The following TLE1 variants were observed in gnomAD, a reference collection of about 807,000 sequenced individuals.
The protein encoded by TLE1 is TLE family member 1, transcriptional corepressor.
Under a neutral mutation model 89.8 loss-of-function variants are expected in TLE1, and 21 were observed. The ratio of observed to expected loss-of-function variants is 0.23; its 90% CI spans 0.17 to 0.34. The LOEUF (loss-of-function observed/expected upper bound fraction) is 0.34. Ranked by LOEUF, TLE1 falls within the 10% of genes least tolerant of loss-of-function variation. TLE1 has a pLI of 1.00. For missense variants in TLE1, 795 were observed against 1,031.2 expected, an observed-to-expected ratio of 0.77 and a Z score of 3.14; for synonymous variants, 447 against 407.6, an observed-to-expected ratio of 1.10 and a Z score of -1.16.
chr9:81,587,696 G>T lies in TLE1; in HGVS notation c.1962C>A (p.His654Gln). The T allele has an allele frequency of 6.2e-7, 1 of 1,612,852 alleles. No individual in the cohort carries two copies. Among genetic ancestry groups the T allele is most frequent in the Middle Eastern group, 1.7e-4 (1 of 6,050 alleles). ...ACTCAGTCACCTGGGAGGTGAAGTC[G>T]TGCTGCTGCAGCTGCCGCCCCTCGC... is the stretch of plus-strand genomic sequence containing the variant. ...DLREGRQLQQ[H>Q]DFTSQIFSLG... The change falls in exon 17 of 20, where the codon CAC becomes CAA. Residue 654 changes from histidine to glutamine, a missense_variant. Around this residue, in one of 4 missense-constraint regions of TLE1, gnomAD observed 214 missense variants for 354.9 expected, o/e 0.60. Coordinates refer to ENST00000376499, the MANE Select transcript of TLE1 (RefSeq NM_005077.5).
In TLE1 at chr9:81,629,734, T is replaced by A. The variant is rs917100554; in HGVS notation, c.594+3614A>T. 1.1e-4 allele frequency among the ~76,000 whole-genome samples: 16 copies of A among 152,294 alleles called. No homozygotes were observed. The South Asian group carries it at 1.9e-3, about 18-fold the overall frequency. On this transcript the variant is annotated intron_variant, in intron 8 of 19. Coordinates refer to ENST00000376499, the MANE Select transcript of TLE1 (RefSeq NM_005077.5). ...CCTGTACATGTTACTGTCCTGAATA[T>A]TACAGGCAGCTACAACACAATGTAA...
At chr9:81,612,276 G>A (rs1385901846) in intron 12 of TLE1, 1 of 1,102,498 alleles carries the variant, frequency 9.1e-7, no homozygotes, top group Non-Finnish European at 1.1e-6. Context: ...CCAAGGCACA[G>A]GCACCAAGTG....
intron 6 of TLE1, among the ~76,000 whole-genome samples, chr9:81,642,110 T>C (rs1400752323): frequency 6.6e-6 from 1 of 152,036 alleles, no homozygotes; most frequent in African/African-American, 2.4e-5. Flanking sequence ...TTAGTGATGG[T>C]GTGGAGAAAA....
chr9:81,655,979 T>C (rs556715833), intron 4 of TLE1, among the ~76,000 whole-genome samples: 124 of 152,296 alleles, frequency 8.1e-4, no homozygotes, highest in African/African-American at 2.7e-3. Context: ...TTTGGTTTTA[T>C]AAGATTGGAT....
chr9:81,644,163 G>A (rs372862720), intron 6 of TLE1, among the ~76,000 whole-genome samples: 44 of 152,264 alleles, frequency 2.9e-4, no homozygotes, highest in East Asian at 2.1e-3. Context: ...TGATGCAGCC[G>A]CTTTGGAAAA....
intron 6 of TLE1, 98 bp from the exon 7 acceptor site, chr9:81,634,399 G>A: frequency 1.0e-6 from 1 of 992,252 alleles, no homozygotes; most frequent in South Asian, 2.3e-5. Flanking sequence ...AAACAGACAT[G>A]ACAGGAGGGG....
intron 8 of TLE1, among the ~76,000 whole-genome samples, chr9:81,621,244 C>T (rs1401400700): frequency 1.3e-5 from 2 of 152,194 alleles, no homozygotes; most frequent in African/African-American, 4.8e-5. Flanking sequence ...AGGATACTTT[C>T]ATTCGCATAT....
intron 4 of TLE1, among the ~76,000 whole-genome samples, chr9:81,679,073 A>C (rs1194117550): frequency 6.6e-6 from 1 of 152,176 alleles, no homozygotes; most frequent in African/African-American, 2.4e-5. Flanking sequence ...ACCTGAACCC[A>C]GGAGGCGGAG....
chr9:81,641,123 A>C (rs1477315720), intron 6 of TLE1, among the ~76,000 whole-genome samples: 1 of 152,210 alleles, frequency 6.6e-6, no homozygotes, highest in Admixed American at 6.5e-5. Context: ...ATTTGTTGAC[A>C]GTTCTCTCCA....
chr9:81,673,599 A>G (rs1832524363), intron 4 of TLE1, among the ~76,000 whole-genome samples: 1 of 152,066 alleles, frequency 6.6e-6, no homozygotes, highest in South Asian at 2.1e-4. Context: ...TAATTACCCT[A>G]TGGGGTAGGT....
Position 81,665,520 on chromosome 9 carries a change from G to GA in TLE1, c.235-11485dup, listed in dbSNP as rs957373900. On this transcript the variant is annotated intron_variant, in intron 4 of 19. Coordinates refer to ENST00000376499, the MANE Select transcript of TLE1 (RefSeq NM_005077.5). The stretch of plus-strand genomic sequence containing the variant: ...CAAGGAGGGGTTAAAAGAAAGGAAG[G>GA]AAAAAAAAAACCGTGCTGAAGGCTG... Among the ~76,000 whole-genome samples the GA allele has an allele frequency of 2.6e-3, 379 of 148,244 alleles. 2 individuals carry two copies. The highest frequency in any genetic ancestry group is 0.014 in the Middle Eastern group (4 of 292).
intron 6 of TLE1, among the ~76,000 whole-genome samples, chr9:81,639,411 G>A (rs1391706447): frequency 6.6e-6 from 1 of 152,108 alleles, no homozygotes; most frequent in African/African-American, 2.4e-5. Flanking sequence ...TTGGAAAACT[G>A]CAAGATGTTT....
rs549651687 is a variant in TLE1, at chr9:81,634,101, G to A, written c.573C>T (p.His191=). Residue 191 remains histidine (H), a synonymous_variant, in exon 7 of 20, where the codon CAC becomes CAT. Transcript: ENST00000376499. ...CTGGCTTGCCCGGCCTCTCACCTCTGTGGTGCTCTGCATCGTGGTGCTTCT... is the reference window on the plus strand; with the variant it reads ...CTGGCTTGCCCGGCCTCTCACCTCTATGGTGCTCTGCATCGTGGTGCTTCT... ...DDKKHHDAEH[H]RDREPGTSNS... 1.9e-6 allele frequency: 3 copies of A among 1,607,434 alleles called. No homozygotes were observed. The highest frequency in any genetic ancestry group is 2.6e-6 in the Non-Finnish European group (3 of 1,176,464).
chr9:81,613,904 TTC>T lies in TLE1; in HGVS notation c.919-385_919-384del, dbSNP rs1403549376. 3.7e-3 allele frequency among the ~76,000 whole-genome samples: 385 copies of T among 105,162 alleles called. 3 individuals carry two copies. The East Asian group carries it at 0.075, about 20-fold the overall frequency. The allele number at this position is 105,162 out of a possible 152,430, so 69.0% of individuals were successfully genotyped here. On this transcript the variant is annotated intron_variant, in intron 11 of 19. Coordinates refer to ENST00000376499, the MANE Select transcript of TLE1 (RefSeq NM_005077.5). Reference sequence around the variant, plus strand: ...AAGTCCAAGGAAGACCCCTTTTCTTTTCTTTTTTTTTTTTTTTTTTTGAGATG... The same window carrying T: ...AAGTCCAAGGAAGACCCCTTTTCTTTTTTTTTTTTTTTTTTTTTTGAGATG...
chr9:81,588,155 T>C (rs1358877432), intron 16 of TLE1, among the ~76,000 whole-genome samples: 1 of 152,120 alleles, frequency 6.6e-6, no homozygotes, highest in African/African-American at 2.4e-5. Flanking sequence ...TGGAAAAGTG[T>C]TTAATTGTTA....
At chr9:81,633,904 C>A (rs947972931) in intron 7 of TLE1, 193 bp downstream of exon 7, 1 of 565,768 alleles carries the variant, frequency 1.8e-6, no homozygotes, top group Non-Finnish European at 2.9e-6. Context: ...ATCGAGAAAT[C>A]TACAGATGCC....
At chr9:81,606,611 C>T (rs1257245245) in intron 14 of TLE1, among the ~76,000 whole-genome samples, 2 of 152,022 alleles carry the variant, frequency 1.3e-5, no homozygotes, top group East Asian at 3.9e-4. Flanking sequence ...GAACATCACA[C>T]ACTGGGGCCT....
At chr9:81,680,147 T>A (rs1174048658) in intron 4 of TLE1, among the ~76,000 whole-genome samples, 1 of 152,196 alleles carries the variant, frequency 6.6e-6, no homozygotes, top group Non-Finnish European at 1.5e-5. Flanking sequence ...AAACAGACTT[T>A]TGTCTAGTCT....
intron 6 of TLE1, among the ~76,000 whole-genome samples, chr9:81,644,177 T>C (rs1429955195): frequency 6.6e-6 from 1 of 152,132 alleles, no homozygotes; most frequent in Non-Finnish European, 1.5e-5. Flanking sequence ...TGGAAAACAG[T>C]CTGGCTGTTG....
Sources: gnomAD v4.1 joint callset for allele counts (sites outside exome capture counted in the v4.1 genomes callset) on GRCh38, gnomAD v4.1.1 for gene constraint, gnomAD v4.1.1 regional missense constraint, MANE v1.5 for transcripts, NCBI Gene and HGNC (gene_info 2026-07-23, HGNC 2026-07-21) for gene names.